The following GABRB2 variants were observed in gnomAD, a reference collection of about 807,000 sequenced individuals.
GABRB2 encodes gamma-aminobutyric acid receptor subunit beta-2.
A neutral mutation model predicts 54.7 loss-of-function variants in GABRB2; 16 were observed. That is an observed-to-expected ratio of 0.29 (90% CI 0.20 to 0.44). GABRB2 has a LOEUF of 0.44. Among genes scored for constraint, GABRB2 ranks in the 20% least tolerant of loss-of-function variants. The pLI, the probability that GABRB2 is intolerant of heterozygous loss-of-function variation, is 1.00. For synonymous variants in GABRB2, 244 were observed against 233.8 expected (o/e 1.04, Z -0.40); for missense variants, 355 against 644.0 (o/e 0.55, Z 4.86).
At chr5:161,408,316 A>G (rs1756404822) in intron 5 of GABRB2, among the ~76,000 whole-genome samples, 1 of 152,076 alleles carries the variant, frequency 6.6e-6, no homozygotes, top group African/African-American at 2.4e-5. Flanking sequence ...TCTGAAATTC[A>G]AAACATTTCT....
At chr5:161,315,893 A>T (rs1758014659) in intron 9 of GABRB2, among the ~76,000 whole-genome samples, 1 of 152,212 alleles carries the variant, frequency 6.6e-6, no homozygotes, top group African/African-American at 2.4e-5. Context: ...ATTGTTGCTA[A>T]CACGAGGAAT....
intron 9 of GABRB2, among the ~76,000 whole-genome samples, chr5:161,305,931 G>T (rs1232809489): frequency 6.6e-6 from 1 of 152,194 alleles, no homozygotes; most frequent in Admixed American, 6.5e-5. Flanking sequence ...GGGAAAAGGG[G>T]TGGCTGACAG....
chr5:161,382,469 T>A (rs1227705389), intron 5 of GABRB2, among the ~76,000 whole-genome samples: 1 of 152,074 alleles, frequency 6.6e-6, no homozygotes, highest in Non-Finnish European at 1.5e-5. Context: ...CAGCCTTTAA[T>A]CACATAAGCG....
chr5:161,337,616 A>T (rs906079907), intron 5 of GABRB2, among the ~76,000 whole-genome samples: 1 of 152,174 alleles, frequency 6.6e-6, no homozygotes, highest in Non-Finnish European at 1.5e-5. Flanking sequence ...GATACTCTCA[A>T]TACACAGGGT....
intron 3 of GABRB2, among the ~76,000 whole-genome samples, chr5:161,487,791 T>C (rs1343076144): frequency 6.6e-6 from 1 of 151,906 alleles, no homozygotes; most frequent in East Asian, 1.9e-4. Flanking sequence ...GGATAAATGG[T>C]AGCTGGAGTT....
intron 4 of GABRB2, among the ~76,000 whole-genome samples, chr5:161,456,825 C>T (rs1237987589): frequency 2.0e-5 from 3 of 152,174 alleles, no homozygotes; most frequent in Admixed American, 6.5e-5. Context: ...ACACAAACTT[C>T]TCACTACATT....
chr5:161,367,052 G>A (rs954735654), intron 5 of GABRB2, among the ~76,000 whole-genome samples: 1 of 152,110 alleles, frequency 6.6e-6, no homozygotes, highest in Non-Finnish European at 1.5e-5. Flanking sequence ...CAGAAATTCA[G>A]ATATTGCTCT....
intron 3 of GABRB2, among the ~76,000 whole-genome samples, chr5:161,463,097 T>C (rs1758161959): frequency 6.6e-6 from 1 of 151,932 alleles, no homozygotes; most frequent in African/African-American, 2.4e-5. Flanking sequence ...TGATTTTCAA[T>C]ACCAAACAAG....
intron 9 of GABRB2, among the ~76,000 whole-genome samples, chr5:161,302,132 T>C (rs771495414): frequency 5.3e-5 from 8 of 152,296 alleles, no homozygotes; most frequent in Admixed American, 6.5e-5. Context: ...GGTTGAAAAA[T>C]GGACTTCACT....
At chr5:161,321,925 G>A (rs962078371) in intron 9 of GABRB2, among the ~76,000 whole-genome samples, 3 of 151,812 alleles carry the variant, frequency 2.0e-5, no homozygotes, top group East Asian at 3.9e-4. Context: ...AATTTCAAAC[G>A]GTGCTAATAG....
chr5:161,415,196 A>C (rs776837229), intron 4 of GABRB2, among the ~76,000 whole-genome samples: 1 of 152,198 alleles, frequency 6.6e-6, no homozygotes, highest in Non-Finnish European at 1.5e-5. Flanking sequence ...TCTGTCTTCA[A>C]TCAAAGGAAA....
intron 4 of GABRB2, among the ~76,000 whole-genome samples, chr5:161,434,928 C>A (rs529641572): frequency 5.3e-5 from 8 of 152,226 alleles, no homozygotes; most frequent in African/African-American, 1.9e-4. Flanking sequence ...CTCCATATTG[C>A]GACTCTGGTT....
At chr5:161,517,950 C>T (rs1032173601) in intron 3 of GABRB2, among the ~76,000 whole-genome samples, 10 of 150,068 alleles carry the variant, frequency 6.7e-5, no homozygotes, top group Middle Eastern at 6.9e-3. Flanking sequence ...GCGCCCGCCA[C>T]CACACCCGCC....
chr5:161,389,051 T>C (rs929539556), intron 5 of GABRB2, among the ~76,000 whole-genome samples: 2 of 152,080 alleles, frequency 1.3e-5, no homozygotes. Context: ...GTTCTAGCCC[T>C]GATTCTGTCA....
chr5:161,532,014 G>A (rs1760478525), intron 3 of GABRB2, among the ~76,000 whole-genome samples: 1 of 152,018 alleles, frequency 6.6e-6, no homozygotes, highest in Non-Finnish European at 1.5e-5. Context: ...CTAATGTGAG[G>A]TTTAAGTTAC....
At chr5:161,507,913 G>T (rs1759656599) in intron 3 of GABRB2, among the ~76,000 whole-genome samples, 1 of 151,968 alleles carries the variant, frequency 6.6e-6, no homozygotes, top group Non-Finnish European at 1.5e-5. Context: ...CAGTGAAAAT[G>T]AAGGGACCAT....
chr5:161,437,313 A>T (rs1372004686), intron 4 of GABRB2, among the ~76,000 whole-genome samples: 1 of 152,034 alleles, frequency 6.6e-6, no homozygotes, highest in Non-Finnish European at 1.5e-5. Flanking sequence ...GCCCAGCCAC[A>T]GCAGGATAGG....
intron 3 of GABRB2, among the ~76,000 whole-genome samples, chr5:161,494,538 C>CAT (rs1554104312): frequency 0.027 from 3,973 of 146,188 alleles, 173 homozygotes; most frequent in Admixed American, 0.12. Flanking sequence ...GTTAGGTATG[C>CAT]GTGTGTGTGT....
chr5:161,465,994 A>G (rs1407079141), intron 3 of GABRB2, among the ~76,000 whole-genome samples: 2 of 152,020 alleles, frequency 1.3e-5, no homozygotes, highest in Admixed American at 1.3e-4. Flanking sequence ...CAACCCAAGA[A>G]CCACCTTACA....
Sources: allele counts gnomAD v4.1 joint callset (sites outside exome capture counted in the v4.1 genomes callset), GRCh38; gene constraint gnomAD v4.1.1; transcripts MANE v1.5; gene names NCBI Gene and HGNC (gene_info 2026-07-23, HGNC 2026-07-21).